YTHDC2: variants seen among roughly 807,000 people sequenced by gnomAD.
The protein encoded by YTHDC2 is YTH N6-methyladenosine RNA binding protein C2, also known as 3'-5' RNA helicase YTHDC2.
In YTHDC2, 45 loss-of-function variants were observed where a neutral mutation model predicts 174.9. The ratio of observed to expected loss-of-function variants is 0.26; its 90% CI spans 0.20 to 0.33. YTHDC2 has a LOEUF of 0.33. Among genes scored for constraint, YTHDC2 ranks in the 10% least tolerant of loss-of-function variants. YTHDC2 has a pLI of 1.00. For synonymous variants in YTHDC2, 657 were observed against 574.5 expected (o/e 1.14, Z -2.05); for missense variants, 1,650 against 1,723.7 (o/e 0.96, Z 0.76).
chr5:113,529,834 A>T (rs1052714192), intron 4 of YTHDC2, among the ~76,000 whole-genome samples: 14 of 151,890 alleles, frequency 9.2e-5, no homozygotes, highest in Non-Finnish European at 1.6e-4. Flanking sequence ...CAGTAGTTTT[A>T]CATTTTTATT....
At chr5:113,573,424 G>T (rs1480431694) in intron 23 of YTHDC2, among the ~76,000 whole-genome samples, 1 of 152,040 alleles carries the variant, frequency 6.6e-6, no homozygotes, top group Admixed American at 6.6e-5. Flanking sequence ...TTAGACCTTG[G>T]AGAATCTGAT....
chr5:113,573,448 T>C (rs1015718353), intron 23 of YTHDC2, among the ~76,000 whole-genome samples: 1 of 152,132 alleles, frequency 6.6e-6, no homozygotes, highest in African/African-American at 2.4e-5. Context: ...TTTTTTGTCT[T>C]GGGGTTGATC....
intron 24 of YTHDC2, chr5:113,581,198 T>A (rs1256271801): frequency 2.4e-6 from 1 of 410,458 alleles, no homozygotes; most frequent in East Asian, 4.0e-5. Context: ...ACTGTCTTTC[T>A]TATTAGACTA....
chr5:113,587,512 TATGTAATATATATTATGTATTTA>T (rs1778754484), intron 26 of YTHDC2, among the ~76,000 whole-genome samples: 1 of 135,428 alleles, frequency 7.4e-6, no homozygotes, highest in Non-Finnish European at 1.5e-5. Context: ...AATGTATTTA[TATGTAATATATATTATGTATTTA>T]TATATTAATA....
Position 113,592,198 on chromosome 5 carries a change from T to C in YTHDC2, c.4212+20T>C. 6.4e-7 allele frequency: 1 copy of C among 1,570,314 alleles called. No individual in the cohort carries two copies. ...GGGCAGGTATACAATGGCATTTTTT[T>C]TTTTATTTACTTTTGTTTCTGTTTG... On this transcript the variant is annotated intron_variant, in intron 28 of 29. Coordinates refer to ENST00000161863, the MANE Select transcript of YTHDC2 (RefSeq NM_022828.5).
intron 26 of YTHDC2, among the ~76,000 whole-genome samples, chr5:113,590,345 G>A (rs904008062): frequency 2.0e-5 from 3 of 152,216 alleles, no homozygotes; most frequent in African/African-American, 7.2e-5. Context: ...TGGCCCTTCT[G>A]TGGGCCAGTA....
rs1331001967 is a variant in YTHDC2, at chr5:113,532,868, T to A, written c.676-11T>A. On this transcript the variant is annotated splice_polypyrimidine_tract_variant and intron_variant, in intron 4 of 29. Transcript: ENST00000161863. The stretch of plus-strand genomic sequence containing the variant: ...CATGTCATCTTACAGTTTTTAAAAC[T>A]TTTGTTTCAGATTCCTCAGTTCCTT... The A allele has an allele frequency of 1.3e-6, 2 of 1,596,966 alleles. No homozygotes were observed. Among genetic ancestry groups the A allele is most frequent in the African/African-American group, 2.7e-5 (2 of 74,246 alleles).
chr5:113,578,365 A>AGGTTT (rs1427238070), intron 23 of YTHDC2, among the ~76,000 whole-genome samples: 1 of 131,770 alleles, frequency 7.6e-6, no homozygotes, highest in African/African-American at 3.4e-5. Flanking sequence ...CTGGCATAGA[A>AGGTTT]GGTTTTGTTT....
intron 4 of YTHDC2, among the ~76,000 whole-genome samples, chr5:113,530,062 A>C (rs780290310): frequency 6.6e-6 from 1 of 152,010 alleles, no homozygotes; most frequent in South Asian, 2.1e-4. Context: ...TCTGCCTCCT[A>C]AGTAGCTGGA....
At chr5:113,514,474 A>G (rs1293203438) in intron 1 of YTHDC2, among the ~76,000 whole-genome samples, 1 of 152,226 alleles carries the variant, frequency 6.6e-6, no homozygotes, top group Non-Finnish European at 1.5e-5. Context: ...AATCAAACAT[A>G]TAAATAAATG....
chr5:113,565,994 G>T lies in YTHDC2; in HGVS notation c.2817G>T (p.Gln939His). Reference protein sequence around the residue: ...TMEIIIGMRTQLLGQLRASGF... With the variant: ...TMEIIIGMRTHLLGQLRASGF... ...AAATAATCATAGGCATGAGAACACAGTTGCTTGGTCAACTTAGAGCATCAG... is the reference window on the plus strand; with the variant it reads ...AAATAATCATAGGCATGAGAACACATTTGCTTGGTCAACTTAGAGCATCAG... The change falls in exon 21 of 30, where the codon CAG becomes CAT. Residue 939 changes from glutamine (Q) to histidine (H), a missense_variant. Transcript: ENST00000161863. 2 of 1,610,956 alleles carry T rather than the reference G, an allele frequency of 1.2e-6. No homozygotes were observed. The highest frequency in any genetic ancestry group is 1.7e-6 in the Non-Finnish European group (2 of 1,178,752).
chr5:113,514,063 C>G lies in YTHDC2; in HGVS notation c.168C>G (p.Phe56Leu). 1 of 1,612,194 alleles carries G rather than the reference C, an allele frequency of 6.2e-7. No homozygotes were observed. The highest frequency in any genetic ancestry group is 8.5e-7 in the Non-Finnish European group (1 of 1,179,296). The change falls in exon 1 of 30, where the codon TTC (phenylalanine) becomes TTG (leucine). Residue 56 changes from phenylalanine to leucine, a missense_variant. Coordinates refer to ENST00000161863, the MANE Select transcript of YTHDC2 (RefSeq NM_022828.5). ...KIAVNIALER[F>L]RYGDQREMEF... ...CAGTCAATATCGCGCTGGAGCGCTT[C>G]CGATACGGGGACCAGAGAGGTGAGG...
chr5:113,577,192 T>C (rs758500601), intron 23 of YTHDC2, among the ~76,000 whole-genome samples: 8 of 152,206 alleles, frequency 5.3e-5, no homozygotes, highest in Non-Finnish European at 8.8e-5. Flanking sequence ...CCTTTTTATT[T>C]AGTATTTTTA....
intron 27 of YTHDC2, 68 bp from the exon 28 acceptor site, chr5:113,591,928 A>G: frequency 1.7e-6 from 2 of 1,207,978 alleles, no homozygotes; most frequent in Non-Finnish European, 1.1e-6. Flanking sequence ...CAGCCTTCTC[A>G]GATAAATTAA....
intron 23 of YTHDC2, among the ~76,000 whole-genome samples, chr5:113,572,837 A>C (rs1777818025): frequency 1.3e-5 from 2 of 151,936 alleles, no homozygotes; most frequent in African/African-American, 4.8e-5. Context: ...CTTTCTTTTG[A>C]GCCTATGTGT....
At position 113,567,201 on chromosome 5, in the gene YTHDC2, C is replaced by T; in HGVS notation, c.2952C>T (p.Val984=). 6.2e-7 allele frequency: 1 copy of T among 1,613,644 alleles called. No individual in the cohort carries two copies. The highest frequency in any genetic ancestry group is 8.5e-7 in the Non-Finnish European group (1 of 1,179,898). The part of the protein sequence containing the change: ...ALVAGMYPNL[V]HVDRENLVLT... ...TGGCAGGCATGTATCCTAATTTAGT[C>T]CACGTGGACAGAGAGAATCTAGTGT... is the stretch of plus-strand genomic sequence containing the variant. The change falls in exon 22 of 30, where the codon GTC becomes GTT. Residue 984 remains valine (V), a synonymous_variant. Transcript: ENST00000161863.
chr5:113,593,476 T>A lies in YTHDC2; in HGVS notation c.*8-6T>A, dbSNP rs1191376378. On this transcript the variant is annotated splice_region_variant and splice_polypyrimidine_tract_variant and intron_variant, in intron 29 of 29. Coordinates refer to ENST00000161863, the MANE Select transcript of YTHDC2 (RefSeq NM_022828.5). Reference sequence around the variant, plus strand: ...TATTTATCTTTTTTTTTCCCCTTTCTTCTAGAACTCTTAGCTGTGGAAGAA... The same window carrying A: ...TATTTATCTTTTTTTTTCCCCTTTCATCTAGAACTCTTAGCTGTGGAAGAA... The A allele has an allele frequency of 1.8e-6, 2 of 1,090,540 alleles. No individual in the cohort carries two copies. Among genetic ancestry groups the A allele is most frequent in the Non-Finnish European group, 2.7e-6 (2 of 753,892 alleles). 67.6% of individuals were successfully genotyped at this position (1,090,540 alleles called of 1,614,324 possible).
chr5:113,555,091 T>C (rs1017050798), intron 16 of YTHDC2, among the ~76,000 whole-genome samples: 1 of 152,008 alleles, frequency 6.6e-6, no homozygotes, highest in Non-Finnish European at 1.5e-5. Context: ...ATGAGTATTA[T>C]CACTAAAAAT....
At chr5:113,574,425 C>T (rs894923494) in intron 23 of YTHDC2, among the ~76,000 whole-genome samples, 1 of 152,170 alleles carries the variant, frequency 6.6e-6, no homozygotes, top group Non-Finnish European at 1.5e-5. Context: ...AGGTCTCACC[C>T]AGTCAGGAGG....
Sources: allele counts gnomAD v4.1 joint callset (sites outside exome capture counted in the v4.1 genomes callset), GRCh38; gene constraint gnomAD v4.1.1; transcripts MANE v1.5; gene names NCBI Gene and HGNC (gene_info 2026-07-23, HGNC 2026-07-21).